The following ABTB2 variants were observed in gnomAD, a reference collection of about 807,000 sequenced individuals.
ABTB2 encodes ankyrin repeat and BTB/POZ domain-containing protein 2.
A neutral mutation model predicts 104.1 loss-of-function variants in ABTB2; 56 were observed. The observed-to-expected ratio is 0.54, with a 90% CI of 0.43 to 0.67. The LOEUF (loss-of-function observed/expected upper bound fraction) is 0.67, where lower values mean the gene tolerates loss of function less well. ABTB2 is among the 30% of genes least tolerant of loss of function. The probability of loss-of-function intolerance (pLI) is 0.00; values close to 1 mark genes in which losing one functional copy is unlikely to be tolerated. For missense variants in ABTB2, 1,279 were observed against 1,407.7 expected, an observed-to-expected ratio of 0.91 and a Z score of 1.46; for synonymous variants, 606 against 608.2, an observed-to-expected ratio of 1.00 and a Z score of 0.05.
At chr11:34,257,879 G>A (rs1198258743) in intron 1 of ABTB2, among the ~76,000 whole-genome samples, 9 of 152,078 alleles carry the variant, frequency 5.9e-5, no homozygotes, top group African/African-American at 1.9e-4. Context: ...GATTACAGGC[G>A]TGAGCCACTG....
Position 34,195,078 on chromosome 11 carries a change from G to GGC in ABTB2, c.1244+2246_1244+2247insGC, listed in dbSNP as rs1554982317. Among the ~76,000 whole-genome samples, 4 of 99,612 alleles carry GGC rather than the reference G, an allele frequency of 4.0e-5. 1 individual carries two copies. The highest frequency in any genetic ancestry group is 1.4e-4 in the African/African-American group (4 of 29,468). 65.3% of individuals were successfully genotyped at this position (99,612 alleles called of 152,430 possible). On this transcript the variant is annotated intron_variant, in intron 3 of 16. Coordinates refer to ENST00000435224, the MANE Select transcript of ABTB2 (RefSeq NM_145804.3). ...AGGACATGACAAAGATGCCCGGCGG[G>GGC]GGGGGGGAGTGGGGGCGGGAGAAAG...
chr11:34,195,078 G>GT (rs1853235303), intron 3 of ABTB2, among the ~76,000 whole-genome samples: 1 of 99,612 alleles, frequency 1.0e-5, no homozygotes, highest in Admixed American at 8.7e-5. Context: ...TGCCCGGCGG[G>GT]GGGGGGGAGT....
chr11:34,176,465 C>T (rs1852962324), intron 3 of ABTB2, among the ~76,000 whole-genome samples: 1 of 152,048 alleles, frequency 6.6e-6, no homozygotes, highest in Non-Finnish European at 1.5e-5. Context: ...TGGGGCCTGA[C>T]ATGGCAGGTC....
intron 1 of ABTB2, chr11:34,335,184 A>G (rs575657743): frequency 1.6e-6 from 2 of 1,267,520 alleles, no homozygotes; most frequent in Non-Finnish European, 2.3e-6. Context: ...TCCTACAACT[A>G]CACGGGTACC....
At chr11:34,325,968 A>C (rs541523407) in intron 1 of ABTB2, among the ~76,000 whole-genome samples, 50 of 144,320 alleles carry the variant, frequency 3.5e-4, no homozygotes, top group African/African-American at 1.3e-3. Context: ...AATAAAATAA[A>C]ATAAAATAAA....
intron 13 of ABTB2, among the ~76,000 whole-genome samples, 178 bp from the exon 14 acceptor site, chr11:34,159,564 T>G (rs1182360888): frequency 1.3e-5 from 2 of 152,238 alleles, no homozygotes; most frequent in Non-Finnish European, 2.9e-5. Flanking sequence ...GGAAGACATC[T>G]GAGCTGAGCC....
intron 1 of ABTB2, among the ~76,000 whole-genome samples, chr11:34,328,416 T>C (rs940838386): frequency 2.6e-5 from 4 of 152,134 alleles, no homozygotes; most frequent in Non-Finnish European, 5.9e-5. Context: ...CTTGGTGACT[T>C]GGGGCAGGCT....
At chr11:34,195,094 C>T (rs1046413572) in intron 3 of ABTB2, among the ~76,000 whole-genome samples, 4 of 27,898 alleles carry the variant, frequency 1.4e-4, no homozygotes, top group East Asian at 6.8e-4. Context: ...GGAGTGGGGG[C>T]GGGAGAAAGT....
chr11:34,345,505 C>A (rs1855319858), intron 1 of ABTB2, among the ~76,000 whole-genome samples: 1 of 152,144 alleles, frequency 6.6e-6, no homozygotes, highest in Admixed American at 6.5e-5. Context: ...GAACTCCTGG[C>A]CTCTCCCCTA....
At chr11:34,301,960 C>A (rs187951468) in intron 1 of ABTB2, among the ~76,000 whole-genome samples, 1 of 152,314 alleles carries the variant, frequency 6.6e-6, no homozygotes, top group East Asian at 1.9e-4. Flanking sequence ...GCACTCTAGC[C>A]TGGGCAACAG....
In ABTB2 at chr11:34,171,006, T is replaced by C. The variant is rs748043337; in HGVS notation, c.1463A>G (p.Gln488Arg). 6.2e-7 allele frequency: 1 copy of C among 1,614,212 alleles called. No individual in the cohort carries two copies. The change falls in exon 5 of 17, where the codon CAG (glutamine) becomes CGG (arginine). Residue 488 changes from glutamine to arginine, a missense_variant. Physicochemically the swap from Gln to Arg is conservative, Grantham distance 43. Transcript: ENST00000435224. ...GTTGAGCATGCGGAAACCCAGGTCC[T>C]GGTTGAATTTTTCAGTAGCTGCTCG... ...DARAATEKFN[Q>R]DLGFRMLNCG...
intron 1 of ABTB2, among the ~76,000 whole-genome samples, chr11:34,302,897 T>C (rs559725014): frequency 2.0e-5 from 3 of 152,136 alleles, no homozygotes; most frequent in Non-Finnish European, 4.4e-5. Flanking sequence ...CAGTTATAAA[T>C]GGGAACCTCT....
At chr11:34,225,086 C>A (rs1206096375) in intron 1 of ABTB2, among the ~76,000 whole-genome samples, 1 of 152,206 alleles carries the variant, frequency 6.6e-6, no homozygotes, top group Non-Finnish European at 1.5e-5. Context: ...GAATATTAAA[C>A]TAGAATAATA....
At position 34,229,231 on chromosome 11, in the gene ABTB2, G is replaced by C. The variant is rs7104966; in HGVS notation, c.884-24541C>G. ...GGTGCGGTGGCTCACGCCTGTAATC[G>C]CAGCACTTTGGGAGGCCGAGGTGGG... On this transcript the variant is annotated intron_variant, in intron 1 of 16. Coordinates refer to ENST00000435224, the MANE Select transcript of ABTB2 (RefSeq NM_145804.3). 9.4e-4 allele frequency among the ~76,000 whole-genome samples: 142 copies of C among 151,528 alleles called. 1 individual carries two copies. In the South Asian group the frequency reaches 0.011, roughly 12 times the overall value.
chr11:34,261,317 C>G (rs2133074714), intron 1 of ABTB2, among the ~76,000 whole-genome samples: 1 of 152,174 alleles, frequency 6.6e-6, no homozygotes, highest in South Asian at 2.1e-4. Flanking sequence ...CAGGAAAGAT[C>G]CAGGCTTACC....
chr11:34,357,711 T>C lies in ABTB2; in HGVS notation c.-128A>G. Reference sequence around the variant, plus strand: ...CTCCTTCCTCTCTGCGTCGCGGGGCTCGGCGGCCGCATTGCCTGCCCGGAG... The same window carrying C: ...CTCCTTCCTCTCTGCGTCGCGGGGCCCGGCGGCCGCATTGCCTGCCCGGAG... On this transcript the variant is annotated 5_prime_UTR_variant, in exon 1 of 17. Transcript: ENST00000435224. The C allele has an allele frequency of 9.1e-7, 1 of 1,102,194 alleles. No individual in the cohort carries two copies. Among genetic ancestry groups the C allele is most frequent in the South Asian group, 2.4e-5 (1 of 41,206 alleles). 68.3% of individuals were successfully genotyped at this position (1,102,194 alleles called of 1,614,324 possible). A position where few individuals can be genotyped will look rare whatever the true frequency, so the allele number is the denominator to read the frequency against.
chr11:34,266,344 C>T (rs1041917624), intron 1 of ABTB2, among the ~76,000 whole-genome samples: 3 of 152,250 alleles, frequency 2.0e-5, no homozygotes, highest in Middle Eastern at 3.4e-3. Flanking sequence ...CTCAGCCTCC[C>T]GAAGTGCTGG....
chr11:34,236,048 A>C (rs752556074), intron 1 of ABTB2, among the ~76,000 whole-genome samples: 1 of 152,200 alleles, frequency 6.6e-6, no homozygotes, highest in Admixed American at 6.6e-5. Context: ...GACATCGTGG[A>C]CATCGGGTGC....
At chr11:34,287,552 C>T (rs971632869) in intron 1 of ABTB2, among the ~76,000 whole-genome samples, 1 of 152,172 alleles carries the variant, frequency 6.6e-6, no homozygotes, top group South Asian at 2.1e-4. Flanking sequence ...AATAAATAAA[C>T]AGATCTCCTC....
Sources: allele counts gnomAD v4.1 joint callset (sites outside exome capture counted in the v4.1 genomes callset), GRCh38; gene constraint gnomAD v4.1.1; transcripts MANE v1.5; gene names NCBI Gene and HGNC (gene_info 2026-07-23, HGNC 2026-07-21).